The following ZNF33A variants were observed in gnomAD, a reference collection of about 807,000 sequenced individuals.
The protein encoded by ZNF33A is zinc finger protein 33A.
ZNF33A carries 9 observed loss-of-function variants against 15.9 expected under a neutral mutation model. The observed-to-expected ratio is 0.57, with a 90% CI of 0.34 to 0.99. The LOEUF (loss-of-function observed/expected upper bound fraction) is 0.99. Among genes scored for constraint, ZNF33A ranks in the 50% least tolerant of loss-of-function variants. The pLI, the probability that ZNF33A is intolerant of heterozygous loss-of-function variation, is 0.02. For synonymous variants in ZNF33A, 294 were observed against 324.2 expected (o/e 0.91, Z 1.00); for missense variants, 843 against 941.6 (o/e 0.90, Z 1.37).
intron 4 of ZNF33A, among the ~76,000 whole-genome samples, chr10:38,050,871 C>T (rs1469904365): frequency 6.6e-6 from 1 of 152,174 alleles, no homozygotes; most frequent in Non-Finnish European, 1.5e-5. Flanking sequence ...TACTTGTGGA[C>T]ATTGTGTTAA....
intron 2 of ZNF33A, among the ~76,000 whole-genome samples, chr10:38,016,450 G>A (rs1266193445): frequency 1.3e-5 from 2 of 152,058 alleles, no homozygotes; most frequent in African/African-American, 4.8e-5. Context: ...ATGGCCCTAT[G>A]CTTATGAAGA....
Position 38,058,985 on chromosome 10 carries a change from G to C in ZNF33A, c.*2425G>C, listed in dbSNP as rs535146250. 1.3e-5 allele frequency: 2 copies of C among 152,248 alleles called. No individual in the cohort carries two copies. The highest frequency in any genetic ancestry group is 3.9e-4 in the East Asian group (2 of 5,180). The allele number at this position is 152,248 out of a possible 1,614,324, so 9.4% of individuals were successfully genotyped here. ...GATATTACAAGAAAGGAAAACTACAGATCAATATTTCCATTGAACACAGAT... is the reference window on the plus strand; with the variant it reads ...GATATTACAAGAAAGGAAAACTACACATCAATATTTCCATTGAACACAGAT... On this transcript the variant is annotated 3_prime_UTR_variant, in exon 5 of 5. Coordinates refer to ENST00000432900, the MANE Select transcript of ZNF33A (RefSeq NM_006954.2).
chr10:38,023,065 CCT>C (rs1451135152), intron 4 of ZNF33A, among the ~76,000 whole-genome samples: 9 of 152,122 alleles, frequency 5.9e-5, no homozygotes, highest in African/African-American at 2.2e-4. Context: ...CCTGCGTCAG[CCT>C]CCCAAGTAGC....
At chr10:38,066,517 G>T (rs1004933730), downstream of ZNF33A, among the ~76,000 whole-genome samples, 3 of 151,860 alleles carry the variant, frequency 2.0e-5, no homozygotes, top group African/African-American at 7.3e-5. Context: ...CTCCCAAAGT[G>T]CTGGGATTAC....
intron 2 of ZNF33A, among the ~76,000 whole-genome samples, chr10:38,015,485 A>C (rs542153078): frequency 6.6e-6 from 1 of 151,888 alleles, no homozygotes; most frequent in South Asian, 2.1e-4. Flanking sequence ...CGCCTGGCTA[A>C]TTTTTTGTAT....
chr10:38,047,304 A>G (rs1470766427), intron 4 of ZNF33A, among the ~76,000 whole-genome samples: 2 of 151,802 alleles, frequency 1.3e-5, no homozygotes, highest in African/African-American at 2.4e-5. Flanking sequence ...AGCCATCCAA[A>G]TGAAACAGAG....
Position 38,055,475 on chromosome 10 carries a change from C to T in ZNF33A, c.1351C>T (p.Arg451Cys), listed in dbSNP as rs374444658. 2.1e-5 allele frequency: 34 copies of T among 1,612,722 alleles called. No individual in the cohort carries two copies. The highest frequency in any genetic ancestry group is 4.5e-5 in the East Asian group (2 of 44,748). ...YECYECGKSF[R>C]VTSHLKVHQR... Reference sequence around the variant, plus strand: ...ATGTTATGAATGTGGAAAATCCTTCCGTGTGACTTCGCACCTTAAAGTACA... The same window carrying T: ...ATGTTATGAATGTGGAAAATCCTTCTGTGTGACTTCGCACCTTAAAGTACA... The change falls in exon 5 of 5, where the codon CGT (arginine) becomes TGT (cysteine). Residue 451 changes from arginine to cysteine, a missense_variant. Arg to Cys is a radical substitution (Grantham distance 180). Transcript: ENST00000432900.
chr10:38,038,692 A>G (rs1436251574), intron 4 of ZNF33A, among the ~76,000 whole-genome samples: 1 of 152,126 alleles, frequency 6.6e-6, no homozygotes, highest in Non-Finnish European at 1.5e-5. Flanking sequence ...ACCTTTCATT[A>G]TTTAGTATGA....
In ZNF33A at chr10:38,059,454, T is replaced by A. The variant is rs2066612616; in HGVS notation, c.*2894T>A. 6.6e-6 allele frequency: 1 copy of A among 152,196 alleles called. No individual in the cohort carries two copies. 9.4% of individuals were successfully genotyped at this position (152,196 alleles called of 1,614,324 possible). ...TAACATGATTGTCTTTGTAGAGAAT[T>A]CTAAATAACAAAAACCCTGCTGACA... On this transcript the variant is annotated 3_prime_UTR_variant, in exon 5 of 5. Transcript: ENST00000432900.
In ZNF33A at chr10:38,047,259, A is replaced by G. The variant is rs182794663; in HGVS notation, c.251-7116A>G. Among the ~76,000 whole-genome samples the G allele has an allele frequency of 2.9e-3, 439 of 151,766 alleles. 4 individuals are homozygous for G. Among genetic ancestry groups the G allele is most frequent in the Non-Finnish European group, 4.3e-3 (292 of 67,914 alleles). On this transcript the variant is annotated intron_variant, in intron 4 of 4. Coordinates refer to ENST00000432900, the MANE Select transcript of ZNF33A (RefSeq NM_006954.2). Reference sequence around the variant, plus strand: ...ACTAATGGCAGTTTAAACATTGCAGAAGAAAAAGATTACTGAACTTAGCAT... The same window carrying G: ...ACTAATGGCAGTTTAAACATTGCAGGAGAAAAAGATTACTGAACTTAGCAT...
chr10:38,065,260 C>T (rs764602898), downstream of ZNF33A, among the ~76,000 whole-genome samples: 6 of 151,802 alleles, frequency 4.0e-5, no homozygotes, highest in Admixed American at 1.3e-4. Flanking sequence ...TGTGTAGAGA[C>T]GGGGTTTCAC....
At chr10:38,019,887 G>A (rs1452266303) in intron 4 of ZNF33A, among the ~76,000 whole-genome samples, 1 of 152,112 alleles carries the variant, frequency 6.6e-6, no homozygotes, top group Non-Finnish European at 1.5e-5. Flanking sequence ...GTATGTAGTG[G>A]GAACACTTAA....
chr10:38,030,372 C>T lies in ZNF33A; in HGVS notation c.250+12986C>T, dbSNP rs116879597. On this transcript the variant is annotated intron_variant, in intron 4 of 4. Coordinates refer to ENST00000432900, the MANE Select transcript of ZNF33A (RefSeq NM_006954.2). ...CTTGAATGGATAATGTGTGGTGTGT[C>T]CATACCATGAAGTGTTACCCAGCAT... 9.1e-3 allele frequency among the ~76,000 whole-genome samples: 1,382 copies of T among 152,224 alleles called. 9 individuals are homozygous for T. The highest frequency in any genetic ancestry group is 0.02 in the Middle Eastern group (6 of 294).
At chr10:38,012,832 A>G (rs778018170) in intron 2 of ZNF33A, among the ~76,000 whole-genome samples, 26 of 152,194 alleles carry the variant, frequency 1.7e-4, no homozygotes, top group Non-Finnish European at 3.2e-4. Context: ...GTTAGAGTCA[A>G]TAAGTTGAGC....
chr10:38,057,548 GT>G lies in ZNF33A; in HGVS notation c.*991del. The G allele has an allele frequency of 1.0e-6, 1 of 985,014 alleles. No individual in the cohort carries two copies. Among genetic ancestry groups the G allele is most frequent in the South Asian group, 4.7e-5 (1 of 21,286 alleles). The allele number at this position is 985,014 out of a possible 1,614,324, so 61.0% of individuals were successfully genotyped here. Reference sequence around the variant, plus strand: ...TTACATTATCAGGCCCATCCCAGATGTTTGTGATGTCCTGAAACAATTTAAA... The same window carrying G: ...TTACATTATCAGGCCCATCCCAGATGTTGTGATGTCCTGAAACAATTTAAA... On this transcript the variant is annotated 3_prime_UTR_variant, in exon 5 of 5. Transcript: ENST00000432900.
At chr10:38,011,059 G>C (rs971887660) in intron 1 of ZNF33A, among the ~76,000 whole-genome samples, 1 of 152,072 alleles carries the variant, frequency 6.6e-6, no homozygotes, top group African/African-American at 2.4e-5. Context: ...GCTGAGCCTT[G>C]CGGGAGGGGC....
chr10:38,016,051 A>G, intron 2 of ZNF33A: 1 of 1,226,728 alleles, frequency 8.2e-7, no homozygotes, highest in Non-Finnish European at 1.0e-6. Context: ...CAGAGGTTTC[A>G]AATATAATGG....
At chr10:38,067,239 TCTTA>T (rs144182749), downstream of ZNF33A, among the ~76,000 whole-genome samples, 3,449 of 152,192 alleles carry the variant, frequency 0.023, 140 homozygotes, top group African/African-American at 0.079. Flanking sequence ...GAGATAGGGG[TCTTA>T]CTTTCAGTTC....
chr10:38,041,344 G>A (rs1473715844), intron 4 of ZNF33A, among the ~76,000 whole-genome samples: 2 of 149,910 alleles, frequency 1.3e-5, no homozygotes, highest in South Asian at 4.2e-4. Context: ...ATATATTTTA[G>A]TATAACATTT....
Sources: allele counts gnomAD v4.1 joint callset (sites outside exome capture counted in the v4.1 genomes callset), GRCh38; gene constraint gnomAD v4.1.1; transcripts MANE v1.5; gene names NCBI Gene and HGNC (gene_info 2026-07-23, HGNC 2026-07-21).